CLEC16A: variants seen among roughly 807,000 people sequenced by gnomAD.
CLEC16A encodes the protein protein CLEC16A.
A neutral mutation model predicts 109.5 loss-of-function variants in CLEC16A; 51 were observed. The observed-to-expected ratio is 0.47, with a 90% confidence interval of 0.37 to 0.59. The LOEUF is 0.59. Ranked by LOEUF, CLEC16A falls within the 20% of genes least tolerant of loss-of-function variation. CLEC16A has a pLI of 0.00. For missense variants in CLEC16A, 1,339 were observed against 1,394.0 expected, an observed-to-expected ratio of 0.96 and a Z score of 0.63; for synonymous variants, 673 against 564.2, an observed-to-expected ratio of 1.19 and a Z score of -2.73.
At position 11,174,180 on chromosome 16, in the gene CLEC16A, C is replaced by T. The variant is rs1186981851; in HGVS notation, c.2807-4155C>T. 2.1e-6 allele frequency: 1 copy of T among 470,004 alleles called. No homozygotes were observed. Among genetic ancestry groups the T allele is most frequent in the South Asian group, 1.5e-5 (1 of 64,570 alleles). The allele number at this position is 470,004 out of a possible 1,614,324, so 29.1% of individuals were successfully genotyped here. A position where few individuals can be genotyped will look rare whatever the true frequency, so the allele number is the denominator to read the frequency against. On this transcript the variant is annotated intron_variant, in intron 23 of 23. Transcript: ENST00000409790. The surrounding 1 kb of genome is among the most constrained non-coding windows in gnomAD (Gnocchi z 4.7). ...CAGGAGTGGCAGGAAAGGACGCCGA[C>T]GAGTGTTCAGCCTGTCGGAGGCCGA...
At chr16:11,013,883 G>C (rs761695715) in intron 11 of CLEC16A, among the ~76,000 whole-genome samples, 10 of 152,138 alleles carry the variant, frequency 6.6e-5, no homozygotes, top group Non-Finnish European at 1.5e-4. Flanking sequence ...AAGTTGTAGT[G>C]AGCTGAGATC....
At chr16:11,134,278 T>C (rs990044329) in intron 22 of CLEC16A, among the ~76,000 whole-genome samples, 1 of 150,896 alleles carries the variant, frequency 6.6e-6, no homozygotes, top group Non-Finnish European at 1.5e-5. Context: ...GCTCCAACTC[T>C]AAGCATATTT....
In CLEC16A at chr16:11,039,759, G is replaced by A. The variant is rs200148521; in HGVS notation, c.1543G>A (p.Asp515Asn). Residue 515 changes from aspartate (D) to asparagine (N), a missense_variant, in exon 14 of 24, where the codon GAT (aspartate) becomes AAT (asparagine). Physicochemically the swap from Asp to Asn is conservative, Grantham distance 23. This residue lies in a region of CLEC16A where 1,061 missense variants were observed against 1,006.8 expected (regional missense o/e 1.05). Coordinates refer to ENST00000409790, the MANE Select transcript of CLEC16A (RefSeq NM_015226.3). ...LYAMSHNKGM[D>N]PEKLERIQLP... ...ATCCTTCTCCTCTGTTCCAGGCATG[G>A]ATCCTGAAAAATTAGAGCGAATCCA... 1.6e-5 allele frequency: 25 copies of A among 1,599,374 alleles called. No individual in the cohort carries two copies. The highest frequency in any genetic ancestry group is 2.0e-5 in the Non-Finnish European group (24 of 1,173,100).
chr16:11,117,306 G>A (rs908258434), intron 19 of CLEC16A, among the ~76,000 whole-genome samples: 8 of 152,134 alleles, frequency 5.3e-5, no homozygotes, highest in Admixed American at 1.3e-4. Context: ...ACTTTATGGC[G>A]TGTAAATTAT....
intron 11 of CLEC16A, among the ~76,000 whole-genome samples, chr16:11,019,238 G>A (rs2045948936): frequency 6.6e-6 from 1 of 152,164 alleles, no homozygotes; most frequent in South Asian, 2.1e-4. Context: ...GAACTCTGAT[G>A]GGGACACCAT....
rs78445559 is a variant in CLEC16A at position 11,170,937 on chromosome 16, C to T, written c.2806+4385C>T. 9.2e-3 allele frequency among the ~76,000 whole-genome samples: 1,398 copies of T among 152,178 alleles called. 21 individuals are homozygous for T. Among genetic ancestry groups the T allele is most frequent in the African/African-American group, 0.031 (1,303 of 41,494 alleles). ...AGGTGGCATCGCTGCAGATGACAGCCGGGGGATGAGGGGTTGGTGAGGCCC... is the reference window on the plus strand; with the variant it reads ...AGGTGGCATCGCTGCAGATGACAGCTGGGGGATGAGGGGTTGGTGAGGCCC... On this transcript the variant is annotated intron_variant, in intron 23 of 23. Transcript: ENST00000409790.
At chr16:11,067,991 G>C (rs1224899786) in intron 19 of CLEC16A, among the ~76,000 whole-genome samples, 1 of 152,198 alleles carries the variant, frequency 6.6e-6, no homozygotes, top group Admixed American at 6.5e-5. Flanking sequence ...TGGCAAGGCA[G>C]GCTGCTGTGG....
intron 19 of CLEC16A, among the ~76,000 whole-genome samples, chr16:11,116,029 A>G (rs1457462847): frequency 3.3e-5 from 5 of 152,202 alleles, no homozygotes; most frequent in African/African-American, 9.6e-5. Flanking sequence ...TGTTTTTTAA[A>G]AAATATTTTC....
At chr16:11,136,320 C>G (rs972685742) in intron 22 of CLEC16A, 3 of 152,148 alleles carry the variant, frequency 2.0e-5, no homozygotes, top group African/African-American at 7.2e-5. Flanking sequence ...GTTATGTGTA[C>G]CACAACCGAA....
chr16:11,042,179 G>A lies in CLEC16A; in HGVS notation c.1661-75G>A, dbSNP rs531756366. The A allele has an allele frequency of 4.1e-5, 45 of 1,103,428 alleles. 1 individual carries two copies. The South Asian group carries it at 4.4e-4, about 11-fold the overall frequency. The allele number at this position is 1,103,428 out of a possible 1,614,324, so 68.4% of individuals were successfully genotyped here. A position where few individuals can be genotyped will look rare whatever the true frequency, so the allele number is the denominator to read the frequency against. On this transcript the variant is annotated intron_variant, in intron 14 of 23. Transcript: ENST00000409790. ...TATCATGTGACCTGCTAGCCTCAAC[G>A]TGGATAGGCAGCAGTCTTGGGTTTA... is the stretch of plus-strand genomic sequence containing the variant.
At chr16:11,125,857 G>T (rs1015384728) in intron 21 of CLEC16A, 122 bp from the exon 22 acceptor site, 1 of 927,648 alleles carries the variant, frequency 1.1e-6, no homozygotes, top group Non-Finnish European at 1.7e-6. Context: ...CCGCCCACTT[G>T]GCGTCTCCCA....
At chr16:11,105,977 C>G (rs932572868) in intron 19 of CLEC16A, among the ~76,000 whole-genome samples, 5 of 152,158 alleles carry the variant, frequency 3.3e-5, no homozygotes, top group African/African-American at 1.2e-4. Flanking sequence ...CAAACTCTTT[C>G]CATTCAAATC....
intron 22 of CLEC16A, among the ~76,000 whole-genome samples, chr16:11,164,317 C>T (rs2054827911): frequency 6.6e-6 from 1 of 152,194 alleles, no homozygotes; most frequent in Non-Finnish European, 1.5e-5. Flanking sequence ...CCCCAAAACC[C>T]AACTGGGGGT....
intron 19 of CLEC16A, among the ~76,000 whole-genome samples, chr16:11,094,341 T>G (rs1411977733): frequency 6.6e-6 from 1 of 152,216 alleles, no homozygotes; most frequent in African/African-American, 2.4e-5. Flanking sequence ...CCGAGCCTGA[T>G]AAGTTTCCAG....
At chr16:11,042,388 C>G (rs1333915943) in intron 15 of CLEC16A, 25 bp downstream of exon 15, 1 of 1,522,808 alleles carries the variant, frequency 6.6e-7, no homozygotes, top group African/African-American at 1.4e-5. Context: ...GCTCCTCCTT[C>G]CTGTGGGCCA....
intron 23 of CLEC16A, among the ~76,000 whole-genome samples, chr16:11,167,422 G>A (rs1245984746): frequency 2.0e-5 from 3 of 152,114 alleles, no homozygotes; most frequent in Non-Finnish European, 4.4e-5. Context: ...CATATTTCAG[G>A]GGCACGTGGC....
intron 21 of CLEC16A, 31 bp from the exon 22 acceptor site, chr16:11,125,948 C>T: frequency 7.7e-7 from 1 of 1,304,242 alleles, no homozygotes; most frequent in African/African-American, 1.6e-5. Context: ...CCCACATGCT[C>T]AGAGTGAACC....
At chr16:11,122,168 C>T (rs908265996) in intron 20 of CLEC16A, among the ~76,000 whole-genome samples, 1 of 152,322 alleles carries the variant, frequency 6.6e-6, no homozygotes, top group Non-Finnish European at 1.5e-5. Flanking sequence ...CTGTGTCCTG[C>T]TCTCTGCGAG....
intron 1 of CLEC16A, among the ~76,000 whole-genome samples, chr16:10,956,783 C>T (rs1047990214): frequency 1.3e-5 from 2 of 152,026 alleles, no homozygotes; most frequent in South Asian, 2.1e-4. Context: ...GCACCATAGC[C>T]TCTGCAGCCC....
Sources: allele counts gnomAD v4.1 joint callset (sites outside exome capture counted in the v4.1 genomes callset), GRCh38; gene constraint gnomAD v4.1.1; regional missense constraint gnomAD v4.1.1; non-coding constraint Gnocchi (gnomAD v3.1); transcripts MANE v1.5; gene names NCBI Gene and HGNC (gene_info 2026-07-23, HGNC 2026-07-21).